SAMD5: variants seen among roughly 807,000 people sequenced by gnomAD.
The protein encoded by SAMD5 is sterile alpha motif domain containing 5.
In SAMD5, 13 loss-of-function variants were observed where a neutral mutation model predicts 11.3. That is an observed-to-expected ratio of 1.15 (90% CI 0.75 to 1.83). SAMD5 has a LOEUF of 1.83. Ranked by LOEUF, SAMD5 falls within the 40% of genes most tolerant of loss-of-function variation. The pLI, the probability that SAMD5 is intolerant of heterozygous loss-of-function variation, is 0.00. For synonymous variants in SAMD5, 129 were observed against 111.3 expected (o/e 1.16, Z -1.00); for missense variants, 255 against 239.1 (o/e 1.07, Z -0.44).
At chr6:147,900,722 GGCCATCCTATT>G in the SAMD5 span, among the ~76,000 whole-genome samples, 5 of 152,146 alleles carry the variant, frequency 3.3e-5, no homozygotes, top group African/African-American at 1.2e-4. Context: ...AAACACAGCA[GGCCATCCTATT>G]GCTGGAAGAG....
At chr6:147,642,248 A>G (rs553133209) in intron 1 of SAMD5, among the ~76,000 whole-genome samples, 18 of 152,326 alleles carry the variant, frequency 1.2e-4, no homozygotes, top group South Asian at 6.2e-4. Flanking sequence ...ATTGGATAAA[A>G]GTTTTTATCT....
the SAMD5 span, among the ~76,000 whole-genome samples, chr6:147,857,816 A>G: frequency 1.3e-5 from 2 of 152,208 alleles, no homozygotes; most frequent in South Asian, 4.1e-4. Context: ...TAAAATAATA[A>G]TTTTCCATGA....
chr6:147,782,574 C>T, the SAMD5 span, among the ~76,000 whole-genome samples: 1 of 152,196 alleles, frequency 6.6e-6, no homozygotes, highest in East Asian at 1.9e-4. Flanking sequence ...TATTCTCCTG[C>T]AGTCAGCAGG....
intron 1 of SAMD5, among the ~76,000 whole-genome samples, chr6:147,538,934 A>G (rs1280835292): frequency 1.3e-5 from 2 of 152,182 alleles, no homozygotes; most frequent in African/African-American, 2.4e-5. Context: ...TTTTTTATAT[A>G]TAAACATCAC....
chr6:147,805,611 G>A, the SAMD5 span, among the ~76,000 whole-genome samples: 5 of 152,178 alleles, frequency 3.3e-5, no homozygotes, highest in African/African-American at 1.2e-4. Context: ...TGTGTGTCCT[G>A]CTCTATGTTA....
At chr6:147,907,796 T>G in the SAMD5 span, among the ~76,000 whole-genome samples, 1 of 152,224 alleles carries the variant, frequency 6.6e-6, no homozygotes, top group Non-Finnish European at 1.5e-5. Context: ...TTATCATCCA[T>G]GTGCACAGTT....
intron 1 of SAMD5, among the ~76,000 whole-genome samples, chr6:147,560,261 A>T (rs1009031888): frequency 3.1e-4 from 47 of 152,302 alleles, no homozygotes; most frequent in African/African-American, 1.1e-3. Flanking sequence ...AGTAACAGCC[A>T]GTGTAACGTA....
chr6:147,883,327 CAG>C, the SAMD5 span, among the ~76,000 whole-genome samples: 3 of 152,144 alleles, frequency 2.0e-5, no homozygotes, highest in East Asian at 5.8e-4. Context: ...AATTTTATTT[CAG>C]AGTTGCCCCT....
chr6:147,609,109 A>G (rs1352858865), intron 1 of SAMD5, among the ~76,000 whole-genome samples: 4 of 152,078 alleles, frequency 2.6e-5, no homozygotes, highest in Non-Finnish European at 5.9e-5. Context: ...CCCCACCCCT[A>G]ATTCATATGC....
chr6:147,791,451 G>A, the SAMD5 span, among the ~76,000 whole-genome samples: 1 of 152,062 alleles, frequency 6.6e-6, no homozygotes, highest in Non-Finnish European at 1.5e-5. Flanking sequence ...GGTGCATGTG[G>A]TTACTGACCA....
intron 1 of SAMD5, among the ~76,000 whole-genome samples, chr6:147,530,337 G>A (rs1227729103): frequency 6.6e-6 from 1 of 152,264 alleles, no homozygotes; most frequent in East Asian, 1.9e-4. Context: ...CCCATGTGCA[G>A]GGACGTTTTA....
chr6:147,606,573 TAAAA>T (rs536033070), intron 1 of SAMD5, among the ~76,000 whole-genome samples: 21 of 150,262 alleles, frequency 1.4e-4, no homozygotes, highest in African/African-American at 5.1e-4. Context: ...ACAGCTAACT[TAAAA>T]AAAAAGACTT....
intron 1 of SAMD5, among the ~76,000 whole-genome samples, chr6:147,700,213 A>G (rs1056096848): frequency 1.3e-5 from 2 of 152,178 alleles, no homozygotes; most frequent in Non-Finnish European, 2.9e-5. Context: ...TTTTATTATA[A>G]TGATAAATCT....
At chr6:147,583,644 A>G (rs1789332577) in intron 1 of SAMD5, among the ~76,000 whole-genome samples, 1 of 152,200 alleles carries the variant, frequency 6.6e-6, no homozygotes. Context: ...GGTAATTTTT[A>G]ATGCAGGAAC....
At position 147,614,623 on chromosome 6, in the gene SAMD5, A is replaced by C. The variant is rs9403866; in HGVS notation, c.162+105236A>C. On this transcript the variant is annotated intron_variant, in intron 1 of 1. Coordinates refer to the SAMD5 transcript ENST00000566741. The stretch of plus-strand genomic sequence containing the variant: ...TCTATGAAGATGAAACTCAGTCTAA[A>C]CTAATCTGTGGTGTAGGAAGCTGGA... Among the ~76,000 whole-genome samples the C allele has an allele frequency of 7.9e-3, 1,206 of 152,080 alleles. 53 individuals are homozygous for C. Among genetic ancestry groups the C allele is most frequent in the Admixed American group, 0.064 (974 of 15,298 alleles).
downstream of SAMD5, among the ~76,000 whole-genome samples, chr6:147,740,789 G>A (rs1791869454): frequency 6.6e-6 from 1 of 152,178 alleles, no homozygotes; most frequent in Admixed American, 6.5e-5. Flanking sequence ...CAAATGAATT[G>A]CATAATGTAC....
At chr6:147,602,469 C>G (rs542220479) in intron 1 of SAMD5, among the ~76,000 whole-genome samples, 79 of 152,288 alleles carry the variant, frequency 5.2e-4, no homozygotes, top group Non-Finnish European at 7.2e-4. Flanking sequence ...ATAGGCCAGG[C>G]GTGGTGGCTC....
At chr6:147,543,942 A>G (rs1460848524) in intron 1 of SAMD5, among the ~76,000 whole-genome samples, 1 of 152,200 alleles carries the variant, frequency 6.6e-6, no homozygotes, top group East Asian at 1.9e-4. Flanking sequence ...TCTCTTTTAA[A>G]GGTAATGAGA....
At chr6:147,643,218 A>G (rs1790340239) in intron 1 of SAMD5, among the ~76,000 whole-genome samples, 1 of 152,174 alleles carries the variant, frequency 6.6e-6, no homozygotes, top group South Asian at 2.1e-4. Context: ...TTGTAAATTA[A>G]GAATTTATTT....
Sources: allele counts gnomAD v4.1 joint callset (sites outside exome capture counted in the v4.1 genomes callset), GRCh38; gene constraint gnomAD v4.1.1; transcripts MANE v1.5; gene names NCBI Gene and HGNC (gene_info 2026-07-23, HGNC 2026-07-21).